The following CDC7 variants were observed in gnomAD, a reference collection of about 807,000 sequenced individuals.
CDC7 encodes the protein cell division cycle 7-related protein kinase.
A neutral mutation model predicts 53.5 loss-of-function variants in CDC7; 34 were observed. The observed-to-expected ratio is 0.64, with a 90% CI of 0.48 to 0.85. The LOEUF (loss-of-function observed/expected upper bound fraction) is 0.85. Among genes scored for constraint, CDC7 ranks in the 40% least tolerant of loss-of-function variants. CDC7 has a pLI of 0.00. For missense variants in CDC7, 594 were observed against 679.7 expected (o/e 0.87, Z 1.40); for synonymous variants, 211 against 222.8 (o/e 0.95, Z 0.47).
intron 1 of CDC7, chr1:91,501,408 C>G (rs1328729756): frequency 3.3e-6 from 1 of 299,168 alleles, no homozygotes; most frequent in East Asian, 5.8e-5. Flanking sequence ...TCGCCGTTTC[C>G]CACTGCGCCT....
intron 9 of CDC7, among the ~76,000 whole-genome samples, chr1:91,515,524 T>G (rs1667512602): frequency 6.6e-6 from 1 of 152,224 alleles, no homozygotes; most frequent in African/African-American, 2.4e-5. Flanking sequence ...TTTTTTCTAT[T>G]ATGGCTCTTA....
intron 10 of CDC7, among the ~76,000 whole-genome samples, chr1:91,519,732 C>T (rs1247139818): frequency 6.6e-6 from 1 of 152,188 alleles, no homozygotes; most frequent in Non-Finnish European, 1.5e-5. Flanking sequence ...AGCACTTTGA[C>T]CAGTATGGTA....
chr1:91,512,870 C>T (rs1456455322), intron 6 of CDC7, among the ~76,000 whole-genome samples, 188 bp from the exon 7 acceptor site: 2 of 152,036 alleles, frequency 1.3e-5, no homozygotes, highest in African/African-American at 2.4e-5. Flanking sequence ...AATTTTCAAT[C>T]CTGGTTAGCT....
intron 2 of CDC7, among the ~76,000 whole-genome samples, chr1:91,507,020 C>T (rs13447486): frequency 1.2e-3 from 189 of 152,254 alleles, no homozygotes; most frequent in African/African-American, 4.2e-3. Context: ...ATGATTTAAC[C>T]TCCCTGAATT....
chr1:91,506,420 A>G (rs1666993315), intron 2 of CDC7, among the ~76,000 whole-genome samples: 1 of 151,132 alleles, frequency 6.6e-6, no homozygotes, highest in Non-Finnish European at 1.5e-5. Context: ...TTCCACTTTC[A>G]CTACTTGGTG....
At chr1:91,520,370 A>C in intron 11 of CDC7, 91 bp downstream of exon 11, 5 of 1,093,708 alleles carry the variant, frequency 4.6e-6, no homozygotes, top group East Asian at 2.7e-5. Flanking sequence ...TTTCTTTACA[A>C]ATAAACATTC....
chr1:91,508,541 T>A, intron 4 of CDC7, 144 bp downstream of exon 4: 1 of 601,822 alleles, frequency 1.7e-6, no homozygotes, highest in Non-Finnish European at 2.8e-6. Context: ...ACTTTCCTTC[T>A]AACCTTGCAA....
intron 6 of CDC7, 119 bp from the exon 7 acceptor site, chr1:91,512,939 A>G (rs1348869309): frequency 1.2e-6 from 1 of 846,526 alleles, no homozygotes; most frequent in African/African-American, 1.7e-5. Context: ...AGAATGTTAT[A>G]AATTCCTAAT....
Position 91,508,027 on chromosome 1 carries a change from T to C in CDC7, c.199+90T>C. 7.5e-6 allele frequency: 8 copies of C among 1,071,846 alleles called. No homozygotes were observed. In the South Asian group the frequency reaches 1.3e-4, roughly 18 times the overall value. 66.4% of individuals were successfully genotyped at this position (1,071,846 alleles called of 1,614,324 possible). The stretch of plus-strand genomic sequence containing the variant: ...AGTCTTGGTTTTCATTACTATTTCT[T>C]ATTGAAAAATATACCACTTTTTAGA... On this transcript the variant is annotated intron_variant, in intron 3 of 11. Coordinates refer to ENST00000234626, the MANE Select transcript of CDC7 (RefSeq NM_003503.4).
intron 2 of CDC7, among the ~76,000 whole-genome samples, chr1:91,506,331 C>G (rs1324373385): frequency 2.0e-5 from 3 of 152,084 alleles, no homozygotes. Context: ...CAGCCCTCCC[C>G]CTACCCTAAT....
chr1:91,513,398 T>C, intron 7 of CDC7, 91 bp downstream of exon 7: 1 of 1,221,652 alleles, frequency 8.2e-7, no homozygotes, highest in Non-Finnish European at 1.1e-6. Flanking sequence ...AGGATAGTAC[T>C]TATAATTTAA....
intron 1 of CDC7, chr1:91,501,358 T>G (rs1412121588): frequency 1.7e-5 from 4 of 232,968 alleles, no homozygotes; most frequent in Admixed American, 5.1e-5. Flanking sequence ...GCTCGGCCCC[T>G]CCCCCACGCG....
chr1:91,520,003 T>A (rs144273027), intron 10 of CDC7, 127 bp from the exon 11 acceptor site: 1 of 633,244 alleles, frequency 1.6e-6, no homozygotes, highest in Non-Finnish European at 2.4e-6. Context: ...AATCTTTGGG[T>A]CTGGGCATCT....
chr1:91,512,956 C>T, intron 6 of CDC7, 102 bp from the exon 7 acceptor site: 1 of 978,468 alleles, frequency 1.0e-6, no homozygotes. Flanking sequence ...TAATTGATCC[C>T]AAAAAGAATT....
chr1:91,505,556 GACCT>G (rs1213166371), intron 2 of CDC7, among the ~76,000 whole-genome samples: 1 of 152,144 alleles, frequency 6.6e-6, no homozygotes, highest in African/African-American at 2.4e-5. Flanking sequence ...TAGAAGCCTA[GACCT>G]TCATGTATAA....
At position 91,501,653 on chromosome 1, in the gene CDC7, G is replaced by A; in HGVS notation, c.-63-1G>A. ...TTTCTCTAGTGTTCTAATTTTCACA[G>A]CTGCTTTGCTCCCCCTGTGGATGTA... On this transcript the variant is annotated splice_acceptor_variant, in intron 1 of 11. Transcript: ENST00000234626. LOFTEE classifies it low-confidence loss of function (5UTR_SPLICE). 8.7e-7 allele frequency: 1 copy of A among 1,145,316 alleles called. No homozygotes were observed. Among genetic ancestry groups the A allele is most frequent in the African/African-American group, 1.5e-5 (1 of 64,754 alleles). The allele number at this position is 1,145,316 out of a possible 1,614,324, so 70.9% of individuals were successfully genotyped here. A position where few individuals can be genotyped will look rare whatever the true frequency, so the allele number is the denominator to read the frequency against.
chr1:91,515,873 A>G lies in CDC7; in HGVS notation c.1177A>G (p.Thr393Ala). ...CTTGACAAAGTGCCCCAATCAAACT[A>G]CAGGTATGTTGTACTGGAAATACAG... ...EVLTKCPNQT[T>A]AIDMWSAGVI... Residue 393 changes from threonine to alanine, a missense_variant, in exon 10 of 12, where the codon ACA becomes GCA. Transcript: ENST00000234626. 1 of 1,612,378 alleles carries G rather than the reference A, an allele frequency of 6.2e-7. No individual in the cohort carries two copies. Among genetic ancestry groups the G allele is most frequent in the Non-Finnish European group, 8.5e-7 (1 of 1,178,504 alleles).
At chr1:91,505,296 T>C (rs1666926891) in intron 2 of CDC7, among the ~76,000 whole-genome samples, 1 of 152,076 alleles carries the variant, frequency 6.6e-6, no homozygotes, top group African/African-American at 2.4e-5. Context: ...CAAAGAGAGA[T>C]GTAAAGAGGC....
Position 91,504,105 on chromosome 1 carries a change from C to CTT in CDC7, c.115+2289_115+2290dup, listed in dbSNP as rs1216657728. On this transcript the variant is annotated intron_variant, in intron 2 of 11. Coordinates refer to ENST00000234626, the MANE Select transcript of CDC7 (RefSeq NM_003503.4). Reference sequence around the variant, plus strand: ...TTTATTCTTTCACTGTTTTGGCAAGCTTTTTTTTTTTTTTTTGAGACATGG... The same window carrying CTT: ...TTTATTCTTTCACTGTTTTGGCAAGCTTTTTTTTTTTTTTTTTTGAGACATGG... 4.6e-3 allele frequency among the ~76,000 whole-genome samples: 619 copies of CTT among 134,998 alleles called. 5 individuals are homozygous for CTT. The highest frequency in any genetic ancestry group is 0.016 in the African/African-American group (576 of 36,740). 88.6% of individuals were successfully genotyped at this position (134,998 alleles called of 152,430 possible).
Sources: allele counts gnomAD v4.1 joint callset (sites outside exome capture counted in the v4.1 genomes callset), GRCh38; gene constraint gnomAD v4.1.1; transcripts MANE v1.5; gene names NCBI Gene and HGNC (gene_info 2026-07-23, HGNC 2026-07-21).